SLC38A4: variants seen among roughly 807,000 people sequenced by gnomAD.
SLC38A4 encodes the protein sodium-coupled neutral amino acid transporter 4.
SLC38A4 carries 20 observed loss-of-function variants against 63.1 expected under a neutral mutation model. The observed-to-expected ratio is 0.32, with a 90% confidence interval of 0.22 to 0.46. SLC38A4 has a LOEUF of 0.46. Ranked by LOEUF, SLC38A4 falls within the 20% of genes least tolerant of loss-of-function variation. SLC38A4 has a pLI of 1.00. For missense variants in SLC38A4, 526 were observed against 663.6 expected (o/e 0.79, Z 2.28); for synonymous variants, 230 against 225.5 (o/e 1.02, Z -0.18).
At chr12:46,793,367 A>C (rs1231595722) in intron 2 of SLC38A4, among the ~76,000 whole-genome samples, 184 bp from the exon 3 acceptor site, 1 of 152,214 alleles carries the variant, frequency 6.6e-6, no homozygotes, top group African/African-American at 2.4e-5. Context: ...ATGGAAGAGA[A>C]GAAAGGAAAT....
At chr12:46,781,092 C>T (rs186153062) in intron 7 of SLC38A4, among the ~76,000 whole-genome samples, 1 of 152,104 alleles carries the variant, frequency 6.6e-6, no homozygotes, top group East Asian at 1.9e-4. Flanking sequence ...GTTAGTTCTG[C>T]ACATTACTTC....
At chr12:46,831,205 G>T (rs749479665) in intron 1 of SLC38A4, among the ~76,000 whole-genome samples, 1 of 152,200 alleles carries the variant, frequency 6.6e-6, no homozygotes, top group Non-Finnish European at 1.5e-5. Flanking sequence ...TAGATGAAGA[G>T]TACCTCACCG....
At chr12:46,825,126 G>T (rs1939621003) in intron 1 of SLC38A4, among the ~76,000 whole-genome samples, 1 of 151,242 alleles carries the variant, frequency 6.6e-6, no homozygotes. Context: ...GGTTTAGGTG[G>T]CCTCTCTGTG....
Position 46,775,101 on chromosome 12 carries a change from C to T in SLC38A4, c.1247G>A (p.Arg416His). Residue 416 changes from arginine (R) to histidine (H), a missense_variant, in exon 14 of 17, where the codon CGC (arginine) becomes CAC (histidine). Transcript: ENST00000266579. ...TGTTACTGCCACAAGGACTGCCAGG[C>T]GAACCATGAGAAGAGGGATGTCTAA... ...YTLDIPLLMV[R>H]LAVLVAVTLT... 6.2e-6 allele frequency: 10 copies of T among 1,612,816 alleles called. No homozygotes were observed. Among genetic ancestry groups the T allele is most frequent in the South Asian group, 1.1e-5 (1 of 91,030 alleles).
intron 1 of SLC38A4, among the ~76,000 whole-genome samples, chr12:46,831,480 C>T (rs1344428751): frequency 6.6e-6 from 1 of 152,236 alleles, no homozygotes; most frequent in Non-Finnish European, 1.5e-5. Flanking sequence ...ATTTCTGCAC[C>T]GCCCTGCCCT....
At chr12:46,800,667 C>A (rs541729757) in intron 2 of SLC38A4, among the ~76,000 whole-genome samples, 1 of 152,128 alleles carries the variant, frequency 6.6e-6, no homozygotes, top group South Asian at 2.1e-4. Context: ...ACACTTCTTA[C>A]TTACTCTTTT....
At chr12:46,791,455 C>T (rs776019438) in intron 3 of SLC38A4, among the ~76,000 whole-genome samples, 1 of 152,128 alleles carries the variant, frequency 6.6e-6, no homozygotes, top group Non-Finnish European at 1.5e-5. Flanking sequence ...CCCTAAAGTT[C>T]ATTGCACTGA....
At chr12:46,810,056 T>C (rs1279178278) in intron 1 of SLC38A4, among the ~76,000 whole-genome samples, 1 of 152,056 alleles carries the variant, frequency 6.6e-6, no homozygotes, top group Non-Finnish European at 1.5e-5. Context: ...TATCAGTTGA[T>C]GGGTCCTGCT....
At chr12:46,797,207 G>A (rs139676028) in intron 2 of SLC38A4, among the ~76,000 whole-genome samples, 2 of 152,208 alleles carry the variant, frequency 1.3e-5, no homozygotes, top group African/African-American at 2.4e-5. Flanking sequence ...TAAAGGATGG[G>A]AAGATAGCAA....
chr12:46,774,936 T>C (rs1938491905), intron 14 of SLC38A4, 113 bp downstream of exon 14: 3 of 1,224,092 alleles, frequency 2.5e-6, no homozygotes, highest in Non-Finnish European at 3.4e-6. Flanking sequence ...AATAATATCC[T>C]CAGGCATTGC....
At chr12:46,814,000 G>A (rs1387765155) in intron 1 of SLC38A4, among the ~76,000 whole-genome samples, 1 of 151,986 alleles carries the variant, frequency 6.6e-6, no homozygotes, top group African/African-American at 2.4e-5. Context: ...GTAAAGTCAT[G>A]CAAATATTCC....
chr12:46,766,903 G>A, intron 16 of SLC38A4, 101 bp from the exon 17 acceptor site: 1 of 738,180 alleles, frequency 1.4e-6, no homozygotes, highest in East Asian at 2.7e-5. Context: ...TATATATTGA[G>A]CCATATTATT....
At position 46,800,402 on chromosome 12, in the gene SLC38A4, C is replaced by T. The variant is rs1030893734; in HGVS notation, c.-113+3201G>A. ...TAGCTCTTTAGTCTCATACTGAAGC[C>T]GATCACCCCTCACTCACTGAATATA... On this transcript the variant is annotated intron_variant, in intron 2 of 16. Coordinates refer to ENST00000266579, the MANE Select transcript of SLC38A4 (RefSeq NM_018018.5). 7.9e-5 allele frequency among the ~76,000 whole-genome samples: 12 copies of T among 151,972 alleles called. No homozygotes were observed. The South Asian group carries it at 8.3e-4, about 11-fold the overall frequency.
intron 5 of SLC38A4, among the ~76,000 whole-genome samples, chr12:46,787,211 G>A (rs1225085834): frequency 1.3e-5 from 2 of 152,188 alleles, no homozygotes; most frequent in Non-Finnish European, 1.5e-5. Flanking sequence ...TCTAGGTTTG[G>A]AGGTAGAGAC....
intron 7 of SLC38A4, among the ~76,000 whole-genome samples, chr12:46,782,905 T>C (rs1292063718): frequency 6.8e-6 from 1 of 146,542 alleles, no homozygotes; most frequent in Non-Finnish European, 1.5e-5. Context: ...TGTTTTAAAA[T>C]ATCCTTTAGA....
chr12:46,828,494 G>C (rs1335168629), upstream of SLC38A4, among the ~76,000 whole-genome samples: 1 of 151,966 alleles, frequency 6.6e-6, no homozygotes, highest in African/African-American at 2.4e-5. Flanking sequence ...GCTAATTTTT[G>C]TAATTTTTAG....
intron 1 of SLC38A4, among the ~76,000 whole-genome samples, chr12:46,815,569 T>TTGC (rs558902698): frequency 2.6e-5 from 4 of 151,816 alleles, no homozygotes; most frequent in Non-Finnish European, 4.4e-5. Flanking sequence ...TAAATATTAG[T>TTGC]TGCTGTTGTT....
chr12:46,787,840 T>C (rs1938794442), intron 5 of SLC38A4, 76 bp downstream of exon 5: 7 of 1,049,000 alleles, frequency 6.7e-6, no homozygotes, highest in Admixed American at 2.1e-5. Flanking sequence ...AAGATCAAAC[T>C]TGAGATTGTT....
chr12:46,782,972 T>C lies in SLC38A4; in HGVS notation c.493+1570A>G, dbSNP rs567806320. ...ATGAGAGCCCAGAGGAACTAGTATTTACCAGTCTAGAGGAGCAATAGACCA... is the reference window on the plus strand; with the variant it reads ...ATGAGAGCCCAGAGGAACTAGTATTCACCAGTCTAGAGGAGCAATAGACCA... On this transcript the variant is annotated intron_variant, in intron 7 of 16. Transcript: ENST00000266579. Among the ~76,000 whole-genome samples the C allele has an allele frequency of 2.8e-5, 4 of 143,758 alleles. No individual in the cohort carries two copies. In the South Asian group the frequency reaches 9.4e-4, roughly 34 times the overall value. The allele number at this position is 143,758 out of a possible 152,430, so 94.3% of individuals were successfully genotyped here.
Sources: allele counts gnomAD v4.1 joint callset (sites outside exome capture counted in the v4.1 genomes callset), GRCh38; gene constraint gnomAD v4.1.1; transcripts MANE v1.5; gene names NCBI Gene and HGNC (gene_info 2026-07-23, HGNC 2026-07-21).